The following PITPNC1 variants were observed in gnomAD, a reference collection of about 807,000 sequenced individuals.
PITPNC1 encodes the protein cytoplasmic phosphatidylinositol transfer protein 1.
A neutral mutation model predicts 44.7 loss-of-function variants in PITPNC1; 18 were observed. The ratio of observed to expected loss-of-function variants is 0.40; its 90% CI spans 0.28 to 0.60. PITPNC1 has a LOEUF of 0.60. Ranked by LOEUF, PITPNC1 falls within the 20% of genes least tolerant of loss-of-function variation. The pLI is 0.39. For missense variants in PITPNC1, 290 were observed against 418.4 expected (o/e 0.69, Z 2.68); for synonymous variants, 141 against 149.6 (o/e 0.94, Z 0.42).
At chr17:67,570,436 C>T (rs1469201754) in intron 4 of PITPNC1, among the ~76,000 whole-genome samples, 1 of 152,214 alleles carries the variant, frequency 6.6e-6, no homozygotes, top group Non-Finnish European at 1.5e-5. Context: ...GGGAAGAAGC[C>T]ATCAGGTGTC....
At position 67,693,852 on chromosome 17, in the gene PITPNC1, C is replaced by T. The variant is rs758497775; in HGVS notation, c.*964C>T. ...TGAACTATAAAAAAGAGAACTGTCTCCCATCCCCTTCCTTGTTTTACTCTT... is the reference window on the plus strand; with the variant it reads ...TGAACTATAAAAAAGAGAACTGTCTTCCATCCCCTTCCTTGTTTTACTCTT... On this transcript the variant is annotated 3_prime_UTR_variant, in exon 9 of 9. Transcript: ENST00000581322. The T allele has an allele frequency of 1.2e-4, 18 of 152,306 alleles. No homozygotes were observed. Among genetic ancestry groups the T allele is most frequent in the Non-Finnish European group, 1.5e-4 (10 of 68,018 alleles). 9.4% of individuals were successfully genotyped at this position (152,306 alleles called of 1,614,324 possible).
At chr17:67,594,319 A>G (rs1438328720) in intron 5 of PITPNC1, among the ~76,000 whole-genome samples, 1 of 152,146 alleles carries the variant, frequency 6.6e-6, no homozygotes, top group African/African-American at 2.4e-5. Flanking sequence ...CACTTCAGTT[A>G]TACCTCATGG....
At chr17:67,611,435 C>T (rs2041685662) in intron 5 of PITPNC1, 1 of 152,192 alleles carries the variant, frequency 6.6e-6, no homozygotes, top group Admixed American at 6.5e-5. Flanking sequence ...ACTCTGGATT[C>T]CTCAGATCAA....
intron 5 of PITPNC1, among the ~76,000 whole-genome samples, chr17:67,579,894 C>T (rs1348740203): frequency 5.3e-5 from 8 of 151,268 alleles, no homozygotes; most frequent in East Asian, 3.9e-4. Context: ...GAGCGCAGAT[C>T]GCGCCACTGC....
At chr17:67,624,878 G>C (rs2041877571) in intron 5 of PITPNC1, among the ~76,000 whole-genome samples, 1 of 152,116 alleles carries the variant, frequency 6.6e-6, no homozygotes, top group Admixed American at 6.6e-5. Flanking sequence ...CTAGGTCAAA[G>C]TATATCAAGA....
intron 1 of PITPNC1, among the ~76,000 whole-genome samples, chr17:67,515,797 A>G (rs1264341724): frequency 6.6e-6 from 1 of 152,188 alleles, no homozygotes; most frequent in African/African-American, 2.4e-5. Flanking sequence ...TTGGAATCAC[A>G]TTTGGAAACA....
intron 1 of PITPNC1, among the ~76,000 whole-genome samples, chr17:67,465,998 T>G (rs571451362): frequency 6.6e-6 from 1 of 151,278 alleles, no homozygotes; most frequent in Non-Finnish European, 1.5e-5. Context: ...CCTTTATTTA[T>G]TTATTTATTT....
rs181561411 is a variant in PITPNC1 at position 67,646,439 on chromosome 17, C to T, written c.462+14201C>T. 1.2e-3 allele frequency among the ~76,000 whole-genome samples: 178 copies of T among 152,320 alleles called. 1 individual carries two copies. The highest frequency in any genetic ancestry group is 2.4e-3 in the Admixed American group (37 of 15,298). ...CCAGAGAAAGACTTATAATTACTAG[C>T]TCATTAGCTTGGGCCTTAGAATTTT... On this transcript the variant is annotated intron_variant, in intron 6 of 8. Coordinates refer to ENST00000581322, the MANE Select transcript of PITPNC1 (RefSeq NM_012417.4).
At chr17:67,397,027 C>A (rs2038230408) in intron 1 of PITPNC1, among the ~76,000 whole-genome samples, 1 of 152,152 alleles carries the variant, frequency 6.6e-6, no homozygotes, top group Non-Finnish European at 1.5e-5. Flanking sequence ...ATCCCCTAGG[C>A]TGGAGTGCGA....
At chr17:67,575,072 C>T (rs1241849298) in intron 4 of PITPNC1, among the ~76,000 whole-genome samples, 3 of 151,752 alleles carry the variant, frequency 2.0e-5, no homozygotes, top group African/African-American at 7.3e-5. Flanking sequence ...GGTAAAAACT[C>T]CTCACAGTGT....
At chr17:67,629,248 G>GTGTGTGTGTGTGTGTGT (rs2041935488) in intron 5 of PITPNC1, among the ~76,000 whole-genome samples, 1 of 151,048 alleles carries the variant, frequency 6.6e-6, no homozygotes, top group Non-Finnish European at 1.5e-5. Context: ...CTGTGTGTGT[G>GTGTGTGTGTGTGTGTGT]TGTGTGTGTG....
intron 8 of PITPNC1, among the ~76,000 whole-genome samples, chr17:67,689,730 T>G (rs996904200): frequency 1.3e-5 from 2 of 152,208 alleles, no homozygotes; most frequent in Admixed American, 1.3e-4. Context: ...AATTCTGTGC[T>G]TTAGATTATT....
At chr17:67,677,113 G>A (rs1336918771) in intron 8 of PITPNC1, among the ~76,000 whole-genome samples, 8 of 151,958 alleles carry the variant, frequency 5.3e-5, no homozygotes, top group Admixed American at 4.6e-4. Context: ...TTTCTGGGGC[G>A]CTTTTCTCCG....
intron 4 of PITPNC1, among the ~76,000 whole-genome samples, chr17:67,555,936 A>C (rs2040833458): frequency 6.6e-6 from 1 of 152,214 alleles, no homozygotes; most frequent in South Asian, 2.1e-4. Flanking sequence ...CTGAGCAATT[A>C]TCTCTGTCAT....
intron 1 of PITPNC1, among the ~76,000 whole-genome samples, chr17:67,417,154 A>G (rs191486997): frequency 2.7e-3 from 397 of 148,996 alleles, no homozygotes; most frequent in Non-Finnish European, 3.4e-3. Flanking sequence ...TTTTTGAGAC[A>G]TGGTTTTGCT....
intron 1 of PITPNC1, chr17:67,524,532 C>A (rs1231323428): frequency 6.6e-6 from 1 of 151,344 alleles, no homozygotes. Context: ...ACAAAAATAT[C>A]ATTTCAATCA....
intron 5 of PITPNC1, among the ~76,000 whole-genome samples, chr17:67,631,073 T>TATC (rs1411290046): frequency 4.8e-5 from 7 of 146,934 alleles, no homozygotes; most frequent in Middle Eastern, 3.3e-3. Flanking sequence ...TTATTATTAT[T>TATC]ATTATTATTA....
chr17:67,540,500 C>A (rs890323812), intron 2 of PITPNC1, among the ~76,000 whole-genome samples: 6 of 151,980 alleles, frequency 3.9e-5, no homozygotes, highest in Non-Finnish European at 8.8e-5. Flanking sequence ...GAAGTGTACA[C>A]CAACAATGGT....
chr17:67,385,415 C>A (rs970256766), intron 1 of PITPNC1, among the ~76,000 whole-genome samples: 1 of 152,190 alleles, frequency 6.6e-6, no homozygotes, highest in East Asian at 1.9e-4. Context: ...AATCAGCACT[C>A]TGTAAAATGG....
Sources: allele counts gnomAD v4.1 joint callset (sites outside exome capture counted in the v4.1 genomes callset), GRCh38; gene constraint gnomAD v4.1.1; transcripts MANE v1.5; gene names NCBI Gene and HGNC (gene_info 2026-07-23, HGNC 2026-07-21).